Variants in DLGAP4 observed in about 807,000 individuals in gnomAD.
DLGAP4 encodes disks large-associated protein 4.
A neutral mutation model predicts 86.9 loss-of-function variants in DLGAP4; 18 were observed. The observed-to-expected ratio is 0.21, with a 90% CI of 0.14 to 0.31. The LOEUF is 0.31. DLGAP4 is among the 10% of genes least tolerant of loss of function. The pLI is 1.00. For missense variants in DLGAP4, 1,085 were observed against 1,362.6 expected (o/e 0.80, Z 3.21); for synonymous variants, 548 against 574.3 (o/e 0.95, Z 0.65).
intron 1 of DLGAP4, among the ~76,000 whole-genome samples, chr20:36,349,104 C>CAAAAAAAAA (rs539585564): frequency 1.3e-4 from 5 of 39,898 alleles, no homozygotes; most frequent in African/African-American, 3.3e-4. Flanking sequence ...GACTCCATCT[C>CAAAAAAAAA]AAAAAAAAAA....
chr20:36,503,479 C>CTTTTTTTT (rs982287997), intron 10 of DLGAP4, among the ~76,000 whole-genome samples: 2 of 109,906 alleles, frequency 1.8e-5, no homozygotes, highest in Non-Finnish European at 3.5e-5. Flanking sequence ...CATATATGGC[C>CTTTTTTTT]TTTTTTTTTT....
At chr20:36,467,884 TC>T (rs984069466) in intron 7 of DLGAP4, among the ~76,000 whole-genome samples, 1 of 152,232 alleles carries the variant, frequency 6.6e-6, no homozygotes, top group Non-Finnish European at 1.5e-5. Context: ...CAGATGGACT[TC>T]CCATCCCTGT....
At chr20:36,370,442 C>T (rs2030881653) in intron 2 of DLGAP4, among the ~76,000 whole-genome samples, 1 of 148,950 alleles carries the variant, frequency 6.7e-6, no homozygotes, top group Admixed American at 6.7e-5. Context: ...GCTGAGATTG[C>T]ACCACTACAC....
chr20:36,461,757 C>CCGCT, intron 7 of DLGAP4: 1 of 530,636 alleles, frequency 1.9e-6, no homozygotes, highest in Non-Finnish European at 2.3e-6. Flanking sequence ...GTCCGCCCGC[C>CCGCT]CGCCCGCCCG....
At chr20:36,497,503 T>C (rs570169100) in intron 8 of DLGAP4, 4 of 1,004,120 alleles carry the variant, frequency 4.0e-6, no homozygotes, top group East Asian at 1.0e-4. Flanking sequence ...GCATGGAGCA[T>C]AGACGCTGTT....
At chr20:36,414,690 G>A (rs144218361) in intron 2 of DLGAP4, among the ~76,000 whole-genome samples, 1 of 152,154 alleles carries the variant, frequency 6.6e-6, no homozygotes, top group Non-Finnish European at 1.5e-5. Context: ...CAACTCACAG[G>A]CTTTAGAGAG....
At chr20:36,455,328 C>T (rs2147599785) in intron 7 of DLGAP4, among the ~76,000 whole-genome samples, 1 of 152,240 alleles carries the variant, frequency 6.6e-6, no homozygotes, top group Admixed American at 6.5e-5. Context: ...CCCCGTCCTC[C>T]CTTTCTGTGT....
chr20:36,340,058 A>AGAT (rs2065362698), intron 1 of DLGAP4, among the ~76,000 whole-genome samples: 1 of 152,172 alleles, frequency 6.6e-6, no homozygotes, highest in South Asian at 2.1e-4. Flanking sequence ...CTTGCCGCCC[A>AGAT]CATGAATATG....
chr20:36,382,509 T>C, intron 2 of DLGAP4, among the ~76,000 whole-genome samples: 1 of 150,818 alleles, frequency 6.6e-6, no homozygotes, highest in East Asian at 2.0e-4. Flanking sequence ...TTTCTTTTCT[T>C]TCTTTCTTTC....
At chr20:36,428,564 A>T (rs767926141) in intron 2 of DLGAP4, among the ~76,000 whole-genome samples, 2 of 152,170 alleles carry the variant, frequency 1.3e-5, no homozygotes, top group Non-Finnish European at 2.9e-5. Flanking sequence ...GTACCGTCCC[A>T]TCCTCCCCAC....
Position 36,393,505 on chromosome 20 carries a change from A to G in DLGAP4, c.-73+26230A>G, listed in dbSNP as rs571277799. Among the ~76,000 whole-genome samples the G allele has an allele frequency of 2.5e-4, 38 of 152,186 alleles. No homozygotes were observed. Among genetic ancestry groups the G allele is most frequent in the African/African-American group, 8.4e-4 (35 of 41,524 alleles). On this transcript the variant is annotated intron_variant, in intron 2 of 12. Transcript: ENST00000339266. The surrounding 1 kb of genome is among the most constrained non-coding windows in gnomAD (Gnocchi z 4.4). ...CAGCCCTCTTGGTAAGCTGGGAAGT[A>G]TGGGGCTGGCCTGGATTTCTGGACT...
intron 1 of DLGAP4, among the ~76,000 whole-genome samples, chr20:36,315,030 A>G (rs1320627932): frequency 1.2e-3 from 11 of 9,504 alleles, no homozygotes; most frequent in South Asian, 4.5e-3. Flanking sequence ...GTGGTGTGAG[A>G]TGTGTGTGTG....
intron 1 of DLGAP4, 111 bp from the exon 2 acceptor site, chr20:36,366,934 C>T (rs946261724): frequency 6.6e-6 from 1 of 152,164 alleles, no homozygotes; most frequent in Non-Finnish European, 1.5e-5. Context: ...TTTCTATGAC[C>T]ACTGCTCCAT....
At position 36,503,252 on chromosome 20, in the gene DLGAP4, C is replaced by T. The variant is rs549392884; in HGVS notation, c.2512+2641C>T. Among the ~76,000 whole-genome samples, 6 of 152,058 alleles carry T rather than the reference C, an allele frequency of 3.9e-5. No homozygotes were observed. The East Asian group carries it at 1.2e-3, about 29-fold the overall frequency. On this transcript the variant is annotated intron_variant, in intron 10 of 12. Transcript: ENST00000339266. Reference sequence around the variant, plus strand: ...GATATAATTCACATACCACAAAATTCACCCTTTTAAAGTACACATTTAGTA... The same window carrying T: ...GATATAATTCACATACCACAAAATTTACCCTTTTAAAGTACACATTTAGTA...
At chr20:36,485,515 G>A (rs899279159) in intron 7 of DLGAP4, among the ~76,000 whole-genome samples, 3 of 152,146 alleles carry the variant, frequency 2.0e-5, no homozygotes, top group Non-Finnish European at 4.4e-5. Context: ...TGTGACCCCC[G>A]TTCAGGGACA....
intron 2 of DLGAP4, among the ~76,000 whole-genome samples, chr20:36,405,653 A>T (rs1457236855): frequency 6.6e-6 from 1 of 151,954 alleles, no homozygotes; most frequent in Non-Finnish European, 1.5e-5. Context: ...AGCTGATGGG[A>T]TCCAACCATC....
At chr20:36,321,751 G>A (rs1251705052) in intron 1 of DLGAP4, among the ~76,000 whole-genome samples, 1 of 152,150 alleles carries the variant, frequency 6.6e-6, no homozygotes, top group Non-Finnish European at 1.5e-5. Flanking sequence ...TCCCAGGGTG[G>A]GAAATGCTGA....
Position 36,439,759 on chromosome 20 carries a change from T to C in DLGAP4, c.1247T>C (p.Leu416Pro). 1 of 1,613,050 alleles carries C rather than the reference T, an allele frequency of 6.2e-7. No homozygotes were observed. The highest frequency in any genetic ancestry group is 8.5e-7 in the Non-Finnish European group (1 of 1,179,798). ...LGEQSNPRRS[L>P]DRLDSVDMLL... The stretch of plus-strand genomic sequence containing the variant: ...TGCTCCCCACTCCCCACCAGGAGTC[T>C]GGACCGCCTGGATTCAGTGGACATG... Residue 416 changes from leucine (L) to proline (P), a missense_variant, in exon 5 of 13, where the codon CTG becomes CCG. Coordinates refer to ENST00000339266, the MANE Select transcript of DLGAP4 (RefSeq NM_001365621.2).
In DLGAP4 at chr20:36,500,140, C is replaced by T. The variant is rs1286452088; in HGVS notation, c.2100-59C>T. On this transcript the variant is annotated intron_variant, in intron 9 of 12. Transcript: ENST00000339266. This position sits in a 1 kb window ranked among gnomAD's most constrained non-coding sequence, Gnocchi z 4.6. Reference sequence around the variant, plus strand: ...TCCGGGTCAAGGCGGCCTCTGGTCTCTGGCCCTCTTGGTGACTCACTCCTT... The same window carrying T: ...TCCGGGTCAAGGCGGCCTCTGGTCTTTGGCCCTCTTGGTGACTCACTCCTT... 3.3e-6 allele frequency: 5 copies of T among 1,500,008 alleles called. No individual in the cohort carries two copies. Among genetic ancestry groups the T allele is most frequent in the Non-Finnish European group, 4.5e-6 (5 of 1,121,464 alleles). The allele number at this position is 1,500,008 out of a possible 1,614,324, so 92.9% of individuals were successfully genotyped here.
Sources: gnomAD v4.1 joint callset for allele counts (sites outside exome capture counted in the v4.1 genomes callset) on GRCh38, gnomAD v4.1.1 for gene constraint, Gnocchi (gnomAD v3.1) non-coding constraint, MANE v1.5 for transcripts, NCBI Gene and HGNC (gene_info 2026-07-23, HGNC 2026-07-21) for gene names.